Variants in TRHDE observed in about 807,000 individuals in gnomAD.
The protein encoded by TRHDE is thyrotropin-releasing hormone-degrading ectoenzyme.
In TRHDE, 72 loss-of-function variants were observed where a neutral mutation model predicts 125.7. The ratio of observed to expected loss-of-function variants is 0.57; its 90% CI spans 0.47 to 0.70. The LOEUF is 0.70. TRHDE is among the 30% of genes least tolerant of loss of function. The pLI is 0.00. For missense variants in TRHDE, 1,110 were observed against 1,327.1 expected, an observed-to-expected ratio of 0.84 and a Z score of 2.54; for synonymous variants, 509 against 509.1, an observed-to-expected ratio of 1.00 and a Z score of 0.00.
intron 3 of TRHDE, among the ~76,000 whole-genome samples, chr12:72,425,763 T>C (rs1592435254): frequency 6.7e-6 from 1 of 149,928 alleles, no homozygotes; most frequent in Non-Finnish European, 1.5e-5. Flanking sequence ...AATTAACTAA[T>C]TAACTAGTTA....
intron 2 of TRHDE, among the ~76,000 whole-genome samples, chr12:72,168,941 A>T (rs1005285825): frequency 6.6e-6 from 1 of 152,160 alleles, no homozygotes; most frequent in Non-Finnish European, 1.5e-5. Flanking sequence ...GAGACCTTTA[A>T]TAAGTTATTA....
chr12:72,285,876 A>G (rs1367055082), intron 1 of TRHDE, among the ~76,000 whole-genome samples: 1 of 152,158 alleles, frequency 6.6e-6, no homozygotes, highest in African/African-American at 2.4e-5. Context: ...TAAACCATGA[A>G]AGAATATAGA....
chr12:72,554,920 C>A (rs1165871889), intron 7 of TRHDE, among the ~76,000 whole-genome samples: 1 of 152,088 alleles, frequency 6.6e-6, no homozygotes, highest in Non-Finnish European at 1.5e-5. Context: ...CATGTGCCTG[C>A]ATGTTGAGGA....
At position 72,273,020 on chromosome 12, in the gene TRHDE, C is replaced by T; in HGVS notation, c.377C>T (p.Ser126Leu). 1 of 1,540,774 alleles carries T rather than the reference C, an allele frequency of 6.5e-7. No homozygotes were observed. The highest frequency in any genetic ancestry group is 1.4e-5 in the African/African-American group (1 of 73,374). The stretch of plus-strand genomic sequence containing the variant: ...ACGCCAGGCGCCGACGGTGGCCCCT[C>T]AGGCTTTCCGGAGCGCGGCGGCAAC... Reference protein sequence around the residue: ...SATPGADGGPSGFPERGGNGS... With the variant: ...SATPGADGGPLGFPERGGNGS... The change falls in exon 1 of 19, where the codon TCA becomes TTA. Residue 126 changes from serine to leucine, a missense_variant. Transcript: ENST00000261180. This position sits in a 1 kb window ranked among gnomAD's most constrained non-coding sequence, Gnocchi z 5.3.
chr12:72,292,263 A>AT (rs1880117476), intron 2 of TRHDE, among the ~76,000 whole-genome samples: 1 of 152,126 alleles, frequency 6.6e-6, no homozygotes, highest in South Asian at 2.1e-4. Flanking sequence ...TCCTTAGACC[A>AT]TTTTTGTCCT....
chr12:72,491,180 TAAATG>T (rs774724563), intron 5 of TRHDE, among the ~76,000 whole-genome samples: 2 of 151,814 alleles, frequency 1.3e-5, no homozygotes, highest in Non-Finnish European at 2.9e-5. Context: ...TCCTCAAAAA[TAAATG>T]AAAGCTAAAT....
chr12:72,303,200 A>C (rs1481230854), intron 2 of TRHDE: 1 of 152,204 alleles, frequency 6.6e-6, no homozygotes, highest in Non-Finnish European at 1.5e-5. Context: ...GAAGAAACCT[A>C]GTATATATCA....
rs370771943 is a variant in TRHDE at position 72,273,219 on chromosome 12, G to C, written c.576G>C (p.Pro192=). ...TGCGCCTGTCGGGCCACCTGAAGCC[G>C]CTGCACTACAATCTGATGCTCACCG... The part of the protein sequence containing the change: ...TQLRLSGHLK[P]LHYNLMLTAF... Residue 192 remains proline, a synonymous_variant, in exon 1 of 19, where the codon CCG becomes CCC. Coordinates refer to ENST00000261180, the MANE Select transcript of TRHDE (RefSeq NM_013381.3). This position sits in a 1 kb window ranked among gnomAD's most constrained non-coding sequence, Gnocchi z 5.3. 2 of 1,609,172 alleles carry C rather than the reference G, an allele frequency of 1.2e-6. No homozygotes were observed. Among genetic ancestry groups the C allele is most frequent in the Admixed American group, 3.3e-5 (2 of 59,946 alleles).
At position 72,518,467 on chromosome 12, in the gene TRHDE, C is replaced by A. The variant is rs554044540; in HGVS notation, c.1722+18832C>A. Among the ~76,000 whole-genome samples the A allele has an allele frequency of 4.0e-4, 61 of 152,070 alleles. No individual in the cohort carries two copies. In the East Asian group the frequency reaches 0.011, roughly 28 times the overall value. On this transcript the variant is annotated intron_variant, in intron 6 of 18. Coordinates refer to ENST00000261180, the MANE Select transcript of TRHDE (RefSeq NM_013381.3). ...GTTTTATCAGAGACTAGGATTGCAA[C>A]CCCTGCCTTTTTTAGTTTTCCATTT...
At chr12:72,551,954 A>G (rs1386279623) in intron 7 of TRHDE, among the ~76,000 whole-genome samples, 1 of 152,058 alleles carries the variant, frequency 6.6e-6, no homozygotes, top group Admixed American at 6.6e-5. Flanking sequence ...AAGAAGAGGG[A>G]GGAGCCCTAC....
At chr12:72,299,461 A>C (rs1565689186) in intron 2 of TRHDE, among the ~76,000 whole-genome samples, 1 of 152,202 alleles carries the variant, frequency 6.6e-6, no homozygotes, top group Admixed American at 6.5e-5. Context: ...CACTACCCAT[A>C]TGTGCTGTTC....
At chr12:72,167,268 T>C (rs1876772730) in intron 2 of TRHDE, among the ~76,000 whole-genome samples, 1 of 152,076 alleles carries the variant, frequency 6.6e-6, no homozygotes, top group Non-Finnish European at 1.5e-5. Flanking sequence ...TGAACTTTCT[T>C]CCACCGTAGT....
intron 2 of TRHDE, among the ~76,000 whole-genome samples, chr12:72,212,946 G>C (rs1336809990): frequency 6.6e-6 from 1 of 152,088 alleles, no homozygotes; most frequent in Non-Finnish European, 1.5e-5. Context: ...TCTATTACCT[G>C]ATGAGTAGAT....
intron 2 of TRHDE, among the ~76,000 whole-genome samples, chr12:72,117,671 A>G (rs992026052): frequency 2.0e-5 from 3 of 152,142 alleles, no homozygotes; most frequent in African/African-American, 7.2e-5. Flanking sequence ...TTTAGATAAT[A>G]TGGACATTTT....
At chr12:72,173,316 C>A (rs1876917213) in intron 2 of TRHDE, among the ~76,000 whole-genome samples, 1 of 152,124 alleles carries the variant, frequency 6.6e-6, no homozygotes, top group Non-Finnish European at 1.5e-5. Flanking sequence ...TTGCTGTGAC[C>A]TGATAGTGGG....
chr12:72,512,320 A>G (rs1878611512), intron 6 of TRHDE, among the ~76,000 whole-genome samples: 1 of 149,940 alleles, frequency 6.7e-6, no homozygotes, highest in African/African-American at 2.5e-5. Context: ...TTTATGCTAG[A>G]CTTCATCAGT....
intron 3 of TRHDE, among the ~76,000 whole-genome samples, chr12:72,401,479 A>G (rs559970916): frequency 6.6e-6 from 1 of 152,346 alleles, no homozygotes; most frequent in African/African-American, 2.4e-5. Context: ...CAGAGCCAGC[A>G]ACTGACCATT....
At chr12:72,191,129 C>T (rs1409191932) in intron 2 of TRHDE, among the ~76,000 whole-genome samples, 1 of 152,168 alleles carries the variant, frequency 6.6e-6, no homozygotes, top group African/African-American at 2.4e-5. Context: ...ATTCATGGAA[C>T]ACACTGGTCT....
At chr12:72,175,755 CAAG>C (rs757501453) in intron 2 of TRHDE, among the ~76,000 whole-genome samples, 1 of 152,164 alleles carries the variant, frequency 6.6e-6, no homozygotes, top group Admixed American at 6.5e-5. Flanking sequence ...CTAAGGTAAA[CAAG>C]ATCATGAGTG....
Sources: allele counts gnomAD v4.1 joint callset (sites outside exome capture counted in the v4.1 genomes callset), GRCh38; gene constraint gnomAD v4.1.1; non-coding constraint Gnocchi (gnomAD v3.1); transcripts MANE v1.5; gene names NCBI Gene and HGNC (gene_info 2026-07-23, HGNC 2026-07-21).